Variants in ZFP1 observed in about 807,000 individuals in gnomAD.
ZFP1 encodes the protein zinc finger protein 1 homolog.
Under a neutral mutation model 38.5 loss-of-function variants are expected in ZFP1, and 32 were observed. That is an observed-to-expected ratio of 0.83 (90% CI 0.63 to 1.12). The LOEUF (loss-of-function observed/expected upper bound fraction) is 1.12. ZFP1 is among the 50% of genes most tolerant of loss of function. ZFP1 has a pLI of 0.00. For synonymous variants in ZFP1, 245 were observed against 168.8 expected, an observed-to-expected ratio of 1.45 and a Z score of -3.50; for missense variants, 616 against 480.8, an observed-to-expected ratio of 1.28 and a Z score of -2.63.
At chr16:75,156,434 G>C (rs1212441660) in intron 2 of ZFP1, among the ~76,000 whole-genome samples, 1 of 150,282 alleles carries the variant, frequency 6.7e-6, no homozygotes. Context: ...TCCAGCCTGG[G>C]CAACAGAGTA....
At chr16:75,161,774 ATTTTTTTTT>A (rs200925992) in intron 2 of ZFP1, among the ~76,000 whole-genome samples, 2 of 7,818 alleles carry the variant, frequency 2.6e-4, no homozygotes, top group East Asian at 1.7e-3. Context: ...ATATATATAT[ATTTTTTTTT>A]TTTTTTTTTT....
At chr16:75,124,354 T>G in the ZFP1 span, among the ~76,000 whole-genome samples, 1 of 150,586 alleles carries the variant, frequency 6.6e-6, no homozygotes, top group African/African-American at 2.4e-5. Flanking sequence ...GAGACAGGGT[T>G]TTGCCATGTT....
At chr16:75,120,694 C>T in the ZFP1 span, among the ~76,000 whole-genome samples, 6 of 152,064 alleles carry the variant, frequency 3.9e-5, no homozygotes, top group African/African-American at 1.4e-4. Context: ...CTCCGCCTCC[C>T]GGGTTCACGC....
intron 3 of ZFP1, 54 bp from the exon 4 acceptor site, chr16:75,169,199 A>ACATT (rs2038275812): frequency 4.6e-6 from 7 of 1,523,154 alleles, no homozygotes; most frequent in Non-Finnish European, 5.3e-6. Context: ...CCATTCGGTA[A>ACATT]CATTATAGCG....
upstream of ZFP1, among the ~76,000 whole-genome samples, chr16:75,143,748 C>G (rs115412163): frequency 0.034 from 4,894 of 144,784 alleles, 288 homozygotes; most frequent in African/African-American, 0.12. Flanking sequence ...ACCTCCTGGG[C>G]TCAAGTGAAC....
In ZFP1 at chr16:75,170,561, C is replaced by T. The variant is rs763983854; in HGVS notation, c.*227C>T. On this transcript the variant is annotated 3_prime_UTR_variant, in exon 4 of 4. Coordinates refer to ENST00000570010, the MANE Select transcript of ZFP1 (RefSeq NM_153688.4). ...TATATCCAGTTGTAAATAGCCATAC[C>T]CAGTTGTACTACAATGAGCTTTTTA... The T allele has an allele frequency of 3.0e-5, 16 of 526,240 alleles. No individual in the cohort carries two copies. The highest frequency in any genetic ancestry group is 5.7e-5 in the African/African-American group (3 of 52,320). 32.6% of individuals were successfully genotyped at this position (526,240 alleles called of 1,614,324 possible).
At chr16:75,156,324 G>A (rs780883958) in intron 2 of ZFP1, among the ~76,000 whole-genome samples, 1 of 152,156 alleles carries the variant, frequency 6.6e-6, no homozygotes, top group Non-Finnish European at 1.5e-5. Context: ...GGGCGTGGTA[G>A]CATGCGCCTG....
At chr16:75,167,359 G>C (rs1386143389) in intron 3 of ZFP1, among the ~76,000 whole-genome samples, 1 of 151,582 alleles carries the variant, frequency 6.6e-6, no homozygotes, top group African/African-American at 2.4e-5. Flanking sequence ...CTCAATCTCT[G>C]AAGCATACCT....
upstream of ZFP1, among the ~76,000 whole-genome samples, chr16:75,143,503 C>T (rs2036908056): frequency 6.6e-6 from 1 of 152,174 alleles, no homozygotes; most frequent in African/African-American, 2.4e-5. Context: ...GCCTTGGCCC[C>T]CCAAAGTGCT....
intron 2 of ZFP1, among the ~76,000 whole-genome samples, chr16:75,161,056 T>A (rs369439562): frequency 7.1e-6 from 1 of 140,770 alleles, no homozygotes; most frequent in Non-Finnish European, 1.5e-5. Context: ...CCAGTTTGTA[T>A]TTTTTTTTAA....
At chr16:75,131,492 A>C in the ZFP1 span, among the ~76,000 whole-genome samples, 1 of 152,080 alleles carries the variant, frequency 6.6e-6, no homozygotes, top group Admixed American at 6.6e-5. Context: ...TAACATCACC[A>C]AAACAACGAT....
chr16:75,169,130 G>C, intron 3 of ZFP1, 123 bp from the exon 4 acceptor site: 1 of 1,248,254 alleles, frequency 8.0e-7, no homozygotes, highest in South Asian at 2.4e-5. Flanking sequence ...TTTTAATATT[G>C]GGAGACTGGG....
the ZFP1 span, among the ~76,000 whole-genome samples, chr16:75,141,407 G>A: frequency 2.4e-4 from 37 of 151,742 alleles, 1 homozygote; most frequent in Non-Finnish European, 4.4e-4. Flanking sequence ...GGATTTCATC[G>A]TGTTAGCCAG....
the ZFP1 span, among the ~76,000 whole-genome samples, chr16:75,123,159 G>C: frequency 5.3e-5 from 8 of 151,574 alleles, no homozygotes; most frequent in Admixed American, 5.3e-4. Context: ...TTTGAGACCA[G>C]CCTGGCCAAC....
rs2038337683 is a variant in ZFP1, at chr16:75,170,031, GA to G, written c.923del (p.Lys308SerfsTer36). ...ACGAATGTGCAAAAACCTTCTTTAA[GA>G]AGTCAAACCTTATCATACATCAGAA... ...CNECAKTFFK[K>X]SNLIIHQKIH... On this transcript the variant is annotated frameshift_variant, in exon 4 of 4. Transcript: ENST00000570010. LOFTEE classifies it high-confidence loss of function. 6.2e-7 allele frequency: 1 copy of G among 1,614,010 alleles called. No individual in the cohort carries two copies.
chr16:75,171,666 T>G lies in ZFP1; in HGVS notation c.*1332T>G, dbSNP rs145285401. ...TCAATCACAAATCATGTATTGGAAATTATAAATGGCAACCAAAAACTGGCT... is the reference window on the plus strand; with the variant it reads ...TCAATCACAAATCATGTATTGGAAAGTATAAATGGCAACCAAAAACTGGCT... On this transcript the variant is annotated 3_prime_UTR_variant, in exon 4 of 4. Coordinates refer to ENST00000570010, the MANE Select transcript of ZFP1 (RefSeq NM_153688.4). The G allele has an allele frequency of 5.3e-3, 809 of 152,336 alleles. 5 individuals carry two copies. The highest frequency in any genetic ancestry group is 0.018 in the African/African-American group (767 of 41,578). 9.4% of individuals were successfully genotyped at this position (152,336 alleles called of 1,614,324 possible). A position where few individuals can be genotyped will look rare whatever the true frequency, so the allele number is the denominator to read the frequency against.
At chr16:75,125,989 G>T in the ZFP1 span, among the ~76,000 whole-genome samples, 1 of 145,750 alleles carries the variant, frequency 6.9e-6, no homozygotes, top group African/African-American at 2.5e-5. Context: ...GTTGCAGTGA[G>T]CAGTGAGCTG....
In ZFP1 at chr16:75,170,492, C is replaced by G. The variant is rs1207515908; in HGVS notation, c.*158C>G. ...AATAGGATCCCATGAGAACATTATA[C>G]TGGAAGTTACATGTGATACCCAGCT... On this transcript the variant is annotated 3_prime_UTR_variant, in exon 4 of 4. Coordinates refer to ENST00000570010, the MANE Select transcript of ZFP1 (RefSeq NM_153688.4). 1.8e-6 allele frequency: 2 copies of G among 1,105,128 alleles called. No homozygotes were observed. The highest frequency in any genetic ancestry group is 2.7e-5 in the East Asian group (1 of 37,442). 68.5% of individuals were successfully genotyped at this position (1,105,128 alleles called of 1,614,324 possible).
the ZFP1 span, among the ~76,000 whole-genome samples, chr16:75,134,644 C>A: frequency 6.6e-6 from 1 of 151,486 alleles, no homozygotes; most frequent in Non-Finnish European, 1.5e-5. Context: ...CCCAGCTACT[C>A]AGGAGGCTGA....
Sources: allele counts gnomAD v4.1 joint callset (sites outside exome capture counted in the v4.1 genomes callset), GRCh38; gene constraint gnomAD v4.1.1; transcripts MANE v1.5; gene names NCBI Gene and HGNC (gene_info 2026-07-23, HGNC 2026-07-21).